Variants in GNPAT observed in about 807,000 individuals in gnomAD.
GNPAT encodes dihydroxyacetone phosphate acyltransferase.
In GNPAT, 30 loss-of-function variants were observed where a neutral mutation model predicts 78.4. The observed-to-expected ratio is 0.38, with a 90% CI of 0.29 to 0.52. GNPAT has a LOEUF of 0.52. Among genes scored for constraint, GNPAT ranks in the 20% least tolerant of loss-of-function variants. The pLI, the probability that GNPAT is intolerant of heterozygous loss-of-function variation, is 0.84. For synonymous variants in GNPAT, 271 were observed against 281.1 expected (o/e 0.96, Z 0.36); for missense variants, 714 against 812.2 (o/e 0.88, Z 1.47).
chr1:231,268,064 A>T (rs1236521316), intron 9 of GNPAT, among the ~76,000 whole-genome samples, 161 bp downstream of exon 9: 2 of 152,190 alleles, frequency 1.3e-5, no homozygotes, highest in Non-Finnish European at 2.9e-5. Context: ...GCACTTTGGG[A>T]GGCCAAGGCA....
At chr1:231,251,354 T>C (rs1376856526) in intron 2 of GNPAT, among the ~76,000 whole-genome samples, 1 of 152,208 alleles carries the variant, frequency 6.6e-6, no homozygotes, top group South Asian at 2.1e-4. Flanking sequence ...AAGTGAAATA[T>C]GTCGTCTGGG....
chr1:231,247,605 G>A (rs990595873), intron 1 of GNPAT, among the ~76,000 whole-genome samples: 8 of 152,172 alleles, frequency 5.3e-5, no homozygotes. Context: ...ATTTGTAAAT[G>A]CCCCTCTCAA....
intron 3 of GNPAT, 62 bp downstream of exon 3, chr1:231,260,745 A>G (rs994401218): frequency 1.8e-6 from 2 of 1,138,702 alleles, no homozygotes; most frequent in Middle Eastern, 2.6e-4. Flanking sequence ...TAAACAAAAA[A>G]AAAAACAGTC....
intron 12 of GNPAT, among the ~76,000 whole-genome samples, chr1:231,274,329 C>T (rs892854625): frequency 6.6e-6 from 1 of 152,220 alleles, no homozygotes; most frequent in Non-Finnish European, 1.5e-5. Flanking sequence ...ACCACAGTTA[C>T]ACCCACGCAT....
At chr1:231,260,342 A>G (rs1017187678) in intron 2 of GNPAT, among the ~76,000 whole-genome samples, 165 bp from the exon 3 acceptor site, 1 of 147,790 alleles carries the variant, frequency 6.8e-6, no homozygotes, top group Non-Finnish European at 1.5e-5. Context: ...AAATAGGCTC[A>G]TTTATCTACT....
intron 1 of GNPAT, among the ~76,000 whole-genome samples, chr1:231,246,565 A>C (rs1684756018): frequency 6.6e-6 from 1 of 152,158 alleles, no homozygotes; most frequent in Non-Finnish European, 1.5e-5. Context: ...AAGATGGGGG[A>C]GAGATAGTTC....
intron 2 of GNPAT, 31 bp from the exon 3 acceptor site, chr1:231,260,476 G>A (rs780237222): frequency 1.3e-6 from 2 of 1,518,248 alleles, no homozygotes; most frequent in East Asian, 4.5e-5. Context: ...ATTGTTGTTA[G>A]AAATTATTCC....
chr1:231,263,446 A>G (rs1390789743), intron 4 of GNPAT, among the ~76,000 whole-genome samples: 1 of 152,174 alleles, frequency 6.6e-6, no homozygotes, highest in Non-Finnish European at 1.5e-5. Context: ...TATAGGTGGA[A>G]TCATACAGTA....
rs746749312 is a variant in GNPAT at position 231,265,783 on chromosome 1, A to G, written c.768A>G (p.Lys256=). 2.5e-6 allele frequency: 4 copies of G among 1,579,154 alleles called. No individual in the cohort carries two copies. In the East Asian group the frequency reaches 6.7e-5, roughly 26 times the overall value. ...RSRSAKTLTP[K]FGLLNIVMEP... ...GCTCTGCCAAGACATTGACTCCTAA[A>G]TTTGGTAGGTCACTACAGATTAAAA... The change falls in exon 6 of 16, where the codon AAA becomes AAG. Residue 256 remains lysine, a synonymous_variant. Coordinates refer to ENST00000366647, the MANE Select transcript of GNPAT (RefSeq NM_014236.4).
In GNPAT at chr1:231,266,133, C is replaced by G. The variant is rs1286834563; in HGVS notation, c.892C>G (p.Leu298Val). The G allele has an allele frequency of 5.0e-6, 8 of 1,613,228 alleles. No individual in the cohort carries two copies. The highest frequency in any genetic ancestry group is 6.8e-6 in the Non-Finnish European group (8 of 1,179,342). ...LEETLYVYEL[L>V]GVPKPKESTT... The stretch of plus-strand genomic sequence containing the variant: ...AGAAACTCTTTATGTGTATGAGCTT[C>G]TAGGGGTTCCTAAACCAAAAGAGTC... The change falls in exon 7 of 16, where the codon CTA (leucine) becomes GTA (valine). Residue 298 changes from leucine to valine, a missense_variant. Leu to Val is a conservative substitution (Grantham distance 32). Transcript: ENST00000366647.
intron 9 of GNPAT, among the ~76,000 whole-genome samples, chr1:231,269,277 C>T (rs1166188552): frequency 1.3e-5 from 2 of 152,092 alleles, no homozygotes; most frequent in African/African-American, 4.8e-5. Context: ...AGAGGATCCT[C>T]GCCAAGGCAG....
At chr1:231,276,420 C>T (rs924667070) in intron 15 of GNPAT, among the ~76,000 whole-genome samples, 2 of 152,196 alleles carry the variant, frequency 1.3e-5, no homozygotes, top group Admixed American at 1.3e-4. Context: ...CAGTCTTACA[C>T]AGTAGAAAGA....
rs1273633885 is a variant in GNPAT at position 231,266,267 on chromosome 1, G to A, written c.925-10G>A. 5.6e-6 allele frequency: 9 copies of A among 1,613,830 alleles called. No homozygotes were observed. The highest frequency in any genetic ancestry group is 1.1e-5 in the South Asian group (1 of 91,082). ...TTCGTTTTCTTCCCCCCCTGTTATG[G>A]TACTATTAGGGGTTGCTGAAAGCCA... On this transcript the variant is annotated splice_polypyrimidine_tract_variant and intron_variant, in intron 7 of 15. Coordinates refer to ENST00000366647, the MANE Select transcript of GNPAT (RefSeq NM_014236.4).
intron 9 of GNPAT, among the ~76,000 whole-genome samples, chr1:231,269,112 G>T (rs1382465259): frequency 6.6e-6 from 1 of 151,452 alleles, no homozygotes; most frequent in Non-Finnish European, 1.5e-5. Flanking sequence ...GGCAGGGTGG[G>T]TGGGTAATGT....
At chr1:231,268,572 C>T (rs1279943534) in intron 9 of GNPAT, among the ~76,000 whole-genome samples, 6 of 138,854 alleles carry the variant, frequency 4.3e-5, no homozygotes, top group Admixed American at 2.3e-4. Context: ...CCCAGGAGTT[C>T]GAGACCAGCC....
At chr1:231,247,043 C>T (rs757884290) in intron 1 of GNPAT, among the ~76,000 whole-genome samples, 8 of 152,150 alleles carry the variant, frequency 5.3e-5, no homozygotes, top group Non-Finnish European at 8.8e-5. Flanking sequence ...GTGGCGGGCG[C>T]CTGTAGTCCC....
intron 12 of GNPAT, 70 bp downstream of exon 12, chr1:231,274,132 C>A: frequency 7.3e-7 from 1 of 1,369,928 alleles, no homozygotes; most frequent in Non-Finnish European, 1.0e-6. Flanking sequence ...TCACCCTGTG[C>A]TTATTTCCAG....
intron 2 of GNPAT, among the ~76,000 whole-genome samples, chr1:231,257,254 G>T (rs779547977): frequency 1.3e-5 from 2 of 152,170 alleles, no homozygotes; most frequent in Non-Finnish European, 2.9e-5. Context: ...AAGATGGCAT[G>T]ATGATTTTCC....
At chr1:231,274,669 C>T (rs1395736855) in intron 12 of GNPAT, among the ~76,000 whole-genome samples, 3 of 152,190 alleles carry the variant, frequency 2.0e-5, no homozygotes, top group South Asian at 2.1e-4. Flanking sequence ...TGCTGTGACT[C>T]GGCTCTGTTC....
Sources: gnomAD v4.1 joint callset for allele counts (sites outside exome capture counted in the v4.1 genomes callset) on GRCh38, gnomAD v4.1.1 for gene constraint, MANE v1.5 for transcripts, NCBI Gene and HGNC (gene_info 2026-07-23, HGNC 2026-07-21) for gene names.